KLF12: variants seen among roughly 807,000 people sequenced by gnomAD.
The protein encoded by KLF12 is KLF transcription factor 12.
In KLF12, 9 loss-of-function variants were observed where a neutral mutation model predicts 37.8. The observed-to-expected ratio is 0.24, with a 90% CI of 0.14 to 0.42. KLF12 has a LOEUF of 0.42. KLF12 is among the 10% of genes least tolerant of loss of function. KLF12 has a pLI of 1.00. For synonymous variants in KLF12, 208 were observed against 202.1 expected, an observed-to-expected ratio of 1.03 and a Z score of -0.25; for missense variants, 411 against 516.0, an observed-to-expected ratio of 0.80 and a Z score of 1.97.
At chr13:74,287,748 A>G in the KLF12 span, among the ~76,000 whole-genome samples, 2 of 152,272 alleles carry the variant, frequency 1.3e-5, no homozygotes, top group Admixed American at 1.3e-4. Flanking sequence ...CTCTTGTAGT[A>G]TGACCTCTTG....
At chr13:73,749,352 C>T (rs777431282) in intron 6 of KLF12, among the ~76,000 whole-genome samples, 3 of 152,138 alleles carry the variant, frequency 2.0e-5, no homozygotes, top group Non-Finnish European at 4.4e-5. Context: ...AATCCTATTT[C>T]CAGAGTTTTA....
At chr13:74,241,706 C>T in the KLF12 span, among the ~76,000 whole-genome samples, 3 of 152,304 alleles carry the variant, frequency 2.0e-5, no homozygotes, top group African/African-American at 7.2e-5. Flanking sequence ...GGGAGTGACC[C>T]GATTTTCCAG....
intron 5 of KLF12, among the ~76,000 whole-genome samples, chr13:73,809,834 A>G (rs1408358050): frequency 6.6e-6 from 1 of 152,154 alleles, no homozygotes; most frequent in Non-Finnish European, 1.5e-5. Context: ...ATTCTTAACT[A>G]AATCGTTTAA....
At chr13:74,082,631 G>A (rs1247785296) in intron 1 of KLF12, among the ~76,000 whole-genome samples, 5 of 152,026 alleles carry the variant, frequency 3.3e-5, no homozygotes, top group African/African-American at 1.2e-4. Flanking sequence ...TGTTTTTAGT[G>A]AAGATGAACA....
At chr13:73,981,155 C>T (rs1277189111) in intron 2 of KLF12, among the ~76,000 whole-genome samples, 1 of 152,066 alleles carries the variant, frequency 6.6e-6, no homozygotes, top group Admixed American at 6.6e-5. Flanking sequence ...GACCCTGTCT[C>T]AGAAACAAAC....
intron 1 of KLF12, among the ~76,000 whole-genome samples, chr13:74,084,367 T>G (rs9543524): frequency 0.19 from 29,411 of 152,076 alleles, 2,999 homozygotes; most frequent in African/African-American, 0.27. Context: ...TCCGTGATGG[T>G]CAACAGACTT....
At chr13:73,862,395 G>A (rs9530252) in intron 3 of KLF12, among the ~76,000 whole-genome samples, 151,024 of 152,294 alleles carry the variant, frequency 0.99, 74,892 homozygotes, top group Middle Eastern at 1. Context: ...AAATGTGCCA[G>A]TGGTTCTAAG....
the KLF12 span, among the ~76,000 whole-genome samples, chr13:74,280,340 C>T: frequency 1.3e-5 from 2 of 152,110 alleles, no homozygotes; most frequent in South Asian, 4.1e-4. Flanking sequence ...CTTGCTACAC[C>T]CAATACAGAA....
At chr13:74,176,829 C>G in the KLF12 span, among the ~76,000 whole-genome samples, 29 of 152,180 alleles carry the variant, frequency 1.9e-4, 1 homozygote, top group African/African-American at 6.3e-4. Context: ...CAGAAAACCT[C>G]TGCTTTATAT....
At chr13:74,041,827 T>A (rs1200103269) in intron 1 of KLF12, among the ~76,000 whole-genome samples, 2 of 152,120 alleles carry the variant, frequency 1.3e-5, no homozygotes, top group Non-Finnish European at 2.9e-5. Context: ...ATATTTCCTC[T>A]ACTACATTAT....
chr13:74,094,700 A>G (rs1875878807), intron 1 of KLF12, among the ~76,000 whole-genome samples: 1 of 151,846 alleles, frequency 6.6e-6, no homozygotes, highest in Non-Finnish European at 1.5e-5. Context: ...TCCAGGTCCA[A>G]GTGATTCTCC....
the KLF12 span, among the ~76,000 whole-genome samples, chr13:74,152,426 C>T: frequency 6.6e-6 from 1 of 152,126 alleles, no homozygotes; most frequent in African/African-American, 2.4e-5. Context: ...CGTACCCCAC[C>T]ATATTTGCAT....
the KLF12 span, among the ~76,000 whole-genome samples, chr13:74,262,869 A>G: frequency 2.6e-5 from 4 of 152,166 alleles, no homozygotes; most frequent in Admixed American, 1.3e-4. Flanking sequence ...ATATGTATAT[A>G]TCTCACAGAG....
chr13:73,948,309 C>T (rs564452937), intron 2 of KLF12, among the ~76,000 whole-genome samples: 4 of 152,246 alleles, frequency 2.6e-5, no homozygotes, highest in African/African-American at 9.6e-5. Context: ...GCAATCTCTG[C>T]CTCCCAGGGT....
intron 6 of KLF12, among the ~76,000 whole-genome samples, chr13:73,716,069 T>C (rs1414471895): frequency 1.3e-5 from 2 of 152,194 alleles, no homozygotes; most frequent in Non-Finnish European, 2.9e-5. Context: ...GCTATTTCTG[T>C]TTGGTGAAAC....
chr13:73,975,082 T>C (rs972600305), intron 2 of KLF12, among the ~76,000 whole-genome samples: 1 of 152,214 alleles, frequency 6.6e-6, no homozygotes, highest in Non-Finnish European at 1.5e-5. Flanking sequence ...TATTATTCCA[T>C]TAGTAAAAGA....
the KLF12 span, among the ~76,000 whole-genome samples, chr13:74,294,140 C>T: frequency 6.6e-6 from 1 of 152,170 alleles, no homozygotes. Context: ...AAGCCATGTG[C>T]TGGTCTGTGA....
intron 4 of KLF12, among the ~76,000 whole-genome samples, chr13:73,831,044 CAGAAT>C (rs1401979957): frequency 1.3e-5 from 2 of 149,996 alleles, no homozygotes; most frequent in South Asian, 2.1e-4. Flanking sequence ...ATTTTACATA[CAGAAT>C]AGATTTCATA....
chr13:73,885,781 T>C (rs1392811227), intron 3 of KLF12, among the ~76,000 whole-genome samples: 1 of 152,106 alleles, frequency 6.6e-6, no homozygotes, highest in African/African-American at 2.4e-5. Context: ...ACACAGAGAA[T>C]ACGTTGAAGG....
Sources: gnomAD v4.1 joint callset for allele counts (sites outside exome capture counted in the v4.1 genomes callset) on GRCh38, gnomAD v4.1.1 for gene constraint, MANE v1.5 for transcripts, NCBI Gene and HGNC (gene_info 2026-07-23, HGNC 2026-07-21) for gene names.